The following FNDC3B variants were observed in gnomAD, a reference collection of about 807,000 sequenced individuals.
The protein encoded by FNDC3B is fibronectin type III domain containing 3B, also known as fibronectin type III domain-containing protein 3B.
FNDC3B carries 12 observed loss-of-function variants against 151.5 expected under a neutral mutation model. That is an observed-to-expected ratio of 0.08 (90% CI 0.05 to 0.13). The LOEUF is 0.13. Among genes scored for constraint, FNDC3B ranks in the 10% least tolerant of loss-of-function variants. The pLI, the probability that FNDC3B is intolerant of heterozygous loss-of-function variation, is 1.00. For missense variants in FNDC3B, 1,214 were observed against 1,505.3 expected (o/e 0.81, Z 3.20); for synonymous variants, 528 against 549.0 (o/e 0.96, Z 0.54).
At chr3:172,151,585 G>A (rs909838260) in intron 3 of FNDC3B, among the ~76,000 whole-genome samples, 14 of 152,030 alleles carry the variant, frequency 9.2e-5, no homozygotes, top group Non-Finnish European at 2.1e-4. Context: ...AGATGTACAA[G>A]AAGTATTTGA....
intron 4 of FNDC3B, among the ~76,000 whole-genome samples, chr3:172,242,478 C>A (rs1189147585): frequency 2.6e-5 from 4 of 152,222 alleles, no homozygotes; most frequent in African/African-American, 9.6e-5. Flanking sequence ...AACCTCAATT[C>A]TTGACTTCTG....
At chr3:172,222,096 G>A (rs1205397857) in intron 3 of FNDC3B, among the ~76,000 whole-genome samples, 2 of 151,952 alleles carry the variant, frequency 1.3e-5, no homozygotes, top group African/African-American at 4.8e-5. Flanking sequence ...CATCCTTTTT[G>A]AGCAAGATGA....
In FNDC3B at chr3:172,156,034, A is replaced by G. The variant is rs184671004; in HGVS notation, c.187+22488A>G. ...CTCTTTTTCTAAATGGTTTTGGTAA[A>G]TGTATTCTTCAAATACAACTGCGAG... On this transcript the variant is annotated intron_variant, in intron 3 of 25. Coordinates refer to ENST00000415807, the MANE Select transcript of FNDC3B (RefSeq NM_022763.4). Among the ~76,000 whole-genome samples the G allele has an allele frequency of 1.0e-3, 153 of 152,324 alleles. 1 individual carries two copies. The highest frequency in any genetic ancestry group is 3.3e-3 in the African/African-American group (136 of 41,578).
chr3:172,366,751 CA>C (rs1169028794), intron 23 of FNDC3B, among the ~76,000 whole-genome samples: 1 of 152,136 alleles, frequency 6.6e-6, no homozygotes, highest in East Asian at 1.9e-4. Flanking sequence ...ATCAAATGAA[CA>C]CTTCTTAGAA....
intron 3 of FNDC3B, among the ~76,000 whole-genome samples, chr3:172,183,714 A>G (rs532152113): frequency 1.8e-4 from 28 of 152,318 alleles, no homozygotes; most frequent in African/African-American, 6.3e-4. Context: ...AAATTCAACT[A>G]TATTATAAAA....
chr3:172,272,730 C>T (rs1021432805), intron 6 of FNDC3B, among the ~76,000 whole-genome samples: 7 of 152,158 alleles, frequency 4.6e-5, no homozygotes, highest in African/African-American at 1.4e-4. Context: ...TTCTCATTTC[C>T]TTTCACTGCT....
intron 4 of FNDC3B, among the ~76,000 whole-genome samples, chr3:172,244,687 C>T (rs371991044): frequency 1.6e-5 from 2 of 123,556 alleles, no homozygotes; most frequent in Non-Finnish European, 3.1e-5. Context: ...TGCAGTGGTG[C>T]GATCTTGGCT....
intron 24 of FNDC3B, 70 bp from the exon 25 acceptor site, chr3:172,380,896 A>G: frequency 6.5e-7 from 1 of 1,544,998 alleles, no homozygotes; most frequent in Non-Finnish European, 8.9e-7. Context: ...TCTCACTAAT[A>G]GTGCTAAAGT....
intron 9 of FNDC3B, among the ~76,000 whole-genome samples, chr3:172,300,727 C>T (rs1271038493): frequency 1.3e-5 from 2 of 152,130 alleles, no homozygotes; most frequent in African/African-American, 4.8e-5. Context: ...TAGGGTGCCA[C>T]CAACTGTTAT....
chr3:172,371,409 A>G (rs904096684), intron 23 of FNDC3B, among the ~76,000 whole-genome samples: 1 of 152,172 alleles, frequency 6.6e-6, no homozygotes, highest in Admixed American at 6.5e-5. Flanking sequence ...TGGAGGGCTG[A>G]CTGTGCAGAA....
intron 23 of FNDC3B, among the ~76,000 whole-genome samples, chr3:172,370,104 G>A (rs900467218): frequency 6.6e-6 from 1 of 152,160 alleles, no homozygotes; most frequent in Non-Finnish European, 1.5e-5. Context: ...GCATTTTGAG[G>A]AGTTAATATT....
intron 4 of FNDC3B, among the ~76,000 whole-genome samples, chr3:172,228,672 C>T (rs867990520): frequency 1.8e-4 from 28 of 152,066 alleles, no homozygotes; most frequent in African/African-American, 5.8e-4. Flanking sequence ...TGCTCTTTCC[C>T]GGCTGACAGG....
At chr3:172,191,330 G>C (rs1002341792) in intron 3 of FNDC3B, among the ~76,000 whole-genome samples, 3 of 152,116 alleles carry the variant, frequency 2.0e-5, no homozygotes, top group African/African-American at 7.2e-5. Flanking sequence ...CATTTGCTTC[G>C]TGCTGGGCAA....
intron 1 of FNDC3B, among the ~76,000 whole-genome samples, chr3:172,042,035 C>G (rs1440512195): frequency 6.6e-6 from 1 of 152,038 alleles, no homozygotes; most frequent in East Asian, 1.9e-4. Context: ...TGTTTTTAAA[C>G]TCACACGTGC....
intron 1 of FNDC3B, among the ~76,000 whole-genome samples, chr3:172,060,159 G>T (rs1377148606): frequency 6.6e-6 from 1 of 152,176 alleles, no homozygotes; most frequent in Non-Finnish European, 1.5e-5. Context: ...GGGGCCCATT[G>T]ACAATTCTCA....
At chr3:172,123,768 T>C (rs534469713) in intron 2 of FNDC3B, among the ~76,000 whole-genome samples, 4 of 152,360 alleles carry the variant, frequency 2.6e-5, no homozygotes, top group Admixed American at 2.0e-4. Flanking sequence ...TATAATTTAC[T>C]TGATGGCTTT....
rs182715337 is a variant in FNDC3B, at chr3:172,137,730, G to A, written c.187+4184G>A. On this transcript the variant is annotated intron_variant, in intron 3 of 25. Transcript: ENST00000415807. ...AGGAAGCATACAATATGCTGTGAAC[G>A]CAGATTCATTTCTAATGGAATATTT... 9.4e-4 allele frequency among the ~76,000 whole-genome samples: 143 copies of A among 152,208 alleles called. 5 individuals carry two copies. The highest frequency in any genetic ancestry group is 9.3e-3 in the Admixed American group (142 of 15,276).
chr3:172,269,683 C>T (rs953856878), intron 6 of FNDC3B, among the ~76,000 whole-genome samples: 1 of 151,904 alleles, frequency 6.6e-6, no homozygotes, highest in African/African-American at 2.4e-5. Flanking sequence ...CTCACTCTGT[C>T]GCCCAGGCTG....
intron 4 of FNDC3B, among the ~76,000 whole-genome samples, chr3:172,229,926 A>G (rs1726798767): frequency 6.6e-6 from 1 of 152,222 alleles, no homozygotes; most frequent in South Asian, 2.1e-4. Context: ...TAATCTTTTC[A>G]ATAAATGGTG....
Sources: allele counts gnomAD v4.1 joint callset (sites outside exome capture counted in the v4.1 genomes callset), GRCh38; gene constraint gnomAD v4.1.1; transcripts MANE v1.5; gene names NCBI Gene and HGNC (gene_info 2026-07-23, HGNC 2026-07-21).